AQP3: variants seen among roughly 807,000 people sequenced by gnomAD.
AQP3 encodes aquaporin 3 (Gill blood group).
Under a neutral mutation model 30.3 loss-of-function variants are expected in AQP3, and 15 were observed. The ratio of observed to expected loss-of-function variants is 0.49; its 90% confidence interval spans 0.33 to 0.76. AQP3 has a LOEUF of 0.76. AQP3 is among the 30% of genes least tolerant of loss of function. The probability of loss-of-function intolerance (pLI) is 0.02; values close to 1 mark genes in which losing one functional copy is unlikely to be tolerated. For missense variants in AQP3, 272 were observed against 384.8 expected (o/e 0.71, Z 2.45); for synonymous variants, 153 against 163.2 (o/e 0.94, Z 0.47).
chr9:33,442,058 G>A lies in AQP3; in HGVS notation c.864C>T (p.His288=), dbSNP rs759155688. ...EENVKLAHVK[H]KEQI ...CCCTGCCCACTCAGATCTGCTCCTT[G>A]TGCTTCACATGGGCCAGCTTCACAT... Residue 288 remains histidine, a synonymous_variant, in exon 6 of 6, where the codon CAC becomes CAT. Coordinates refer to ENST00000297991, the MANE Select transcript of AQP3 (RefSeq NM_004925.5). 4 of 1,613,776 alleles carry A rather than the reference G, an allele frequency of 2.5e-6. No homozygotes were observed. The highest frequency in any genetic ancestry group is 3.4e-6 in the Non-Finnish European group (4 of 1,180,022).
chr9:33,447,500 A>C lies in AQP3; in HGVS notation c.31T>G (p.Cys11Gly). Residue 11 changes from cysteine to glycine, a missense_variant, in exon 1 of 6, where the codon TGC becomes GGC. Cys to Gly is a radical substitution (Grantham distance 159). Around this residue, in one of 3 missense-constraint regions of AQP3, gnomAD observed 51 missense variants for 46.5 expected, o/e 1.10. Coordinates refer to ENST00000297991, the MANE Select transcript of AQP3 (RefSeq NM_004925.5). The part of the protein sequence containing the change: MGRQKELVSR[C>G]GEMLHIRYRL... The stretch of plus-strand genomic sequence containing the variant: ...TAGCGGATGTGGAGCATCTCCCCGC[A>C]GCGGGACACCAGCTCCTTCTGTCGA... The C allele has an allele frequency of 6.2e-7, 1 of 1,609,580 alleles. No individual in the cohort carries two copies.
intron 1 of AQP3, among the ~76,000 whole-genome samples, chr9:33,446,760 A>G (rs1826918950): frequency 6.6e-6 from 1 of 152,164 alleles, no homozygotes; most frequent in South Asian, 2.1e-4. Context: ...ATCTGTCTGG[A>G]TAACAGACAG....
In AQP3 at chr9:33,446,599, C is replaced by G. The variant is rs1240297135; in HGVS notation, c.108+824G>C. ...GAAGTGCAAACAGAGTCACTCAGAA[C>G]AAAACCAGGGTGAAACTGGTGTGAC... On this transcript the variant is annotated intron_variant, in intron 1 of 5. Coordinates refer to ENST00000297991, the MANE Select transcript of AQP3 (RefSeq NM_004925.5). Among the ~76,000 whole-genome samples the G allele has an allele frequency of 2.0e-5, 3 of 152,168 alleles. No homozygotes were observed. The East Asian group carries it at 5.8e-4, about 29-fold the overall frequency.
chr9:33,442,991 C>A (rs751293190), intron 3 of AQP3, 21 bp from the exon 4 acceptor site: 1 of 1,603,078 alleles, frequency 6.2e-7, no homozygotes, highest in African/African-American at 1.3e-5. Flanking sequence ...ATTAGACACA[C>A]AGTGAGTCGG....
Position 33,442,436 on chromosome 9 carries a change from G to A in AQP3, c.575C>T (p.Ala192Val). ...YNNPVPRGLE[A>V]FTVGLVVLVI... is the part of the protein sequence containing the mutation. Reference sequence around the variant, plus strand: ...CAGGACCACCAGGCCCACGGTGAAGGCCTCCAGGCCTCGGGGGACGGGGTT... The same window carrying A: ...CAGGACCACCAGGCCCACGGTGAAGACCTCCAGGCCTCGGGGGACGGGGTT... Residue 192 changes from alanine (A) to valine (V), a missense_variant, in exon 5 of 6, where the codon GCC becomes GTC. Ala to Val is a moderately conservative substitution (Grantham distance 64, BLOSUM62 0). Transcript: ENST00000297991. The A allele has an allele frequency of 6.2e-7, 1 of 1,612,048 alleles. No individual in the cohort carries two copies. Among genetic ancestry groups the A allele is most frequent in the Non-Finnish European group, 8.5e-7 (1 of 1,179,456 alleles).
Position 33,441,969 on chromosome 9 carries a change from T to C in AQP3, c.*74A>G. On this transcript the variant is annotated 3_prime_UTR_variant, in exon 6 of 6. Coordinates refer to ENST00000297991, the MANE Select transcript of AQP3 (RefSeq NM_004925.5). ...AAGGGTGGATCGTGAAGGGGGCTTC[T>C]TGGGAGTGGCCCTTGGACAGTCAGT... is the stretch of plus-strand genomic sequence containing the variant. 1.9e-6 allele frequency: 3 copies of C among 1,579,328 alleles called. No individual in the cohort carries two copies. Among genetic ancestry groups the C allele is most frequent in the Non-Finnish European group, 1.7e-6 (2 of 1,159,838 alleles).
At chr9:33,446,647 A>C (rs1162575578) in intron 1 of AQP3, among the ~76,000 whole-genome samples, 2 of 152,194 alleles carry the variant, frequency 1.3e-5, no homozygotes, top group East Asian at 3.8e-4. Context: ...AGGACTGAGG[A>C]GTAACTCAGG....
intron 1 of AQP3, 87 bp downstream of exon 1, chr9:33,447,336 T>G: frequency 8.0e-7 from 1 of 1,248,878 alleles, no homozygotes; most frequent in Non-Finnish European, 1.1e-6. Context: ...CAGGCTACCT[T>G]GGAAAACACA....
In AQP3 at chr9:33,443,132, A is replaced by T; in HGVS notation, c.374-162T>A. The T allele has an allele frequency of 9.2e-7, 1 of 1,081,962 alleles. No individual in the cohort carries two copies. Among genetic ancestry groups the T allele is most frequent in the Non-Finnish European group, 1.4e-6 (1 of 732,380 alleles). 67.0% of individuals were successfully genotyped at this position (1,081,962 alleles called of 1,614,324 possible). A position where few individuals can be genotyped will look rare whatever the true frequency, so the allele number is the denominator to read the frequency against. On this transcript the variant is annotated intron_variant, in intron 3 of 5. Coordinates refer to ENST00000297991, the MANE Select transcript of AQP3 (RefSeq NM_004925.5). The surrounding 1 kb of genome is among the most constrained non-coding windows in gnomAD (Gnocchi z 5.0). ...GGCGTGGGGTGGGGTGGAGGGCCTG[A>T]GACTCTGTTATTGCCCAACTTGTTT...
At position 33,441,724 on chromosome 9, in the gene AQP3, C is replaced by A; in HGVS notation, c.*319G>T. On this transcript the variant is annotated 3_prime_UTR_variant, in exon 6 of 6. Coordinates refer to ENST00000297991, the MANE Select transcript of AQP3 (RefSeq NM_004925.5). ...TGGGAACCCCCCCCACACACACACA[C>A]CCCTGCACACACATGCACACACATG... 1 of 505,996 alleles carries A rather than the reference C, an allele frequency of 2.0e-6. No homozygotes were observed. The highest frequency in any genetic ancestry group is 3.4e-6 in the Non-Finnish European group (1 of 290,456). The allele number at this position is 505,996 out of a possible 1,614,324, so 31.3% of individuals were successfully genotyped here. A position where few individuals can be genotyped will look rare whatever the true frequency, so the allele number is the denominator to read the frequency against.
chr9:33,447,285 T>A, intron 1 of AQP3, 138 bp downstream of exon 1: 1 of 770,714 alleles, frequency 1.3e-6, no homozygotes, highest in Non-Finnish European at 2.3e-6. Context: ...AGCTTGATCC[T>A]CCGCGGTTAA....
At position 33,443,269 on chromosome 9, in the gene AQP3, C is replaced by A; in HGVS notation, c.373+52G>T. 2 of 1,557,062 alleles carry A rather than the reference C, an allele frequency of 1.3e-6. No homozygotes were observed. The highest frequency in any genetic ancestry group is 8.7e-7 in the Non-Finnish European group (1 of 1,149,740). ...ATCAAAAGGCCTGGTGCCAGCAGGT[C>A]CTGAACAGAGGGACGGGGGTAGTGG... is the stretch of plus-strand genomic sequence containing the variant. On this transcript the variant is annotated intron_variant, in intron 3 of 5. Transcript: ENST00000297991. This position sits in a 1 kb window ranked among gnomAD's most constrained non-coding sequence, Gnocchi z 5.0.
rs1358615037 is a variant in AQP3 at position 33,441,975 on chromosome 9, G to A, written c.*68C>T. 3.8e-6 allele frequency: 6 copies of A among 1,583,998 alleles called. No individual in the cohort carries two copies. The highest frequency in any genetic ancestry group is 5.2e-6 in the Non-Finnish European group (6 of 1,162,054). On this transcript the variant is annotated 3_prime_UTR_variant, in exon 6 of 6. Transcript: ENST00000297991. ...GGATCGTGAAGGGGGCTTCTTGGGA[G>A]TGGCCCTTGGACAGTCAGTGGATGC...
Position 33,443,519 on chromosome 9 carries a change from C to G in AQP3, c.236-61G>C, listed in dbSNP as rs138913439. The G allele has an allele frequency of 6.3e-7, 1 of 1,584,012 alleles. No individual in the cohort carries two copies. The highest frequency in any genetic ancestry group is 2.3e-5 in the East Asian group (1 of 43,724). On this transcript the variant is annotated intron_variant, in intron 2 of 5. Coordinates refer to ENST00000297991, the MANE Select transcript of AQP3 (RefSeq NM_004925.5). This position sits in a 1 kb window ranked among gnomAD's most constrained non-coding sequence, Gnocchi z 5.0. ...CCTGCCACAGTCGGCAGGCTAGGGT[C>G]CCCTGAGAAGGGGTGCAGAGAGGGG...
Position 33,441,711 on chromosome 9 carries a change from CCA to C in AQP3, c.*330_*331del, listed in dbSNP as rs1554640557. 1.8e-3 allele frequency: 739 copies of C among 413,502 alleles called. No homozygotes were observed. Among genetic ancestry groups the C allele is most frequent in the South Asian group, 5.3e-3 (73 of 13,846 alleles). The allele number at this position is 413,502 out of a possible 1,614,324, so 25.6% of individuals were successfully genotyped here. ...TGCCCTGAATATCTGGGAACCCCCC[CCA>C]CACACACACACCCCTGCACACACAT... is the stretch of plus-strand genomic sequence containing the variant. On this transcript the variant is annotated 3_prime_UTR_variant, in exon 6 of 6. Transcript: ENST00000297991.
chr9:33,441,194 T>C lies in AQP3; in HGVS notation c.*849A>G, dbSNP rs1826825994. ...CATATTTATTTTATTTTTTTTAATATAAAAGTAAAAGAGTACATTGTTGAG... is the reference window on the plus strand; with the variant it reads ...CATATTTATTTTATTTTTTTTAATACAAAAGTAAAAGAGTACATTGTTGAG... On this transcript the variant is annotated 3_prime_UTR_variant, in exon 6 of 6. Transcript: ENST00000297991. 1 of 152,530 alleles carries C rather than the reference T, an allele frequency of 6.6e-6. No individual in the cohort carries two copies. The allele number at this position is 152,530 out of a possible 1,614,324, so 9.4% of individuals were successfully genotyped here. A position where few individuals can be genotyped will look rare whatever the true frequency, so the allele number is the denominator to read the frequency against.
intron 1 of AQP3, among the ~76,000 whole-genome samples, chr9:33,445,594 A>G (rs1451429647): frequency 6.6e-6 from 1 of 152,106 alleles, no homozygotes. Flanking sequence ...TGCCTGCCAA[A>G]GGCTCAGACC....
intron 1 of AQP3, among the ~76,000 whole-genome samples, chr9:33,446,667 G>A (rs1407455436): frequency 6.6e-6 from 1 of 152,166 alleles, no homozygotes; most frequent in Non-Finnish European, 1.5e-5. Flanking sequence ...GCAGGGAAAT[G>A]CTCACTCAGA....
In AQP3 at chr9:33,441,172, ATTTAT is replaced by A. The variant is rs1352156116; in HGVS notation, c.*866_*870del. On this transcript the variant is annotated 3_prime_UTR_variant, in exon 6 of 6. Coordinates refer to ENST00000297991, the MANE Select transcript of AQP3 (RefSeq NM_004925.5). ...GCACAACTGGAGGTTTTAGGCACAT[ATTTAT>A]TTTATTTTTTTTAATATAAAAGTAA... 1 of 152,492 alleles carries A rather than the reference ATTTAT, an allele frequency of 6.6e-6. No homozygotes were observed. Among genetic ancestry groups the A allele is most frequent in the Non-Finnish European group, 1.5e-5 (1 of 68,038 alleles). The allele number at this position is 152,492 out of a possible 1,614,324, so 9.4% of individuals were successfully genotyped here.
Sources: allele counts gnomAD v4.1 joint callset (sites outside exome capture counted in the v4.1 genomes callset), GRCh38; gene constraint gnomAD v4.1.1; regional missense constraint gnomAD v4.1.1; non-coding constraint Gnocchi (gnomAD v3.1); transcripts MANE v1.5; gene names NCBI Gene and HGNC (gene_info 2026-07-23, HGNC 2026-07-21).